Variants in B3GALT1 observed in about 807,000 individuals in gnomAD.
The protein encoded by B3GALT1 is UDP-Gal:betaGlcNAc beta 1,3-galactosyltransferase, polypeptide 1.
In B3GALT1, 10 loss-of-function variants were observed where a neutral mutation model predicts 23.2. The ratio of observed to expected loss-of-function variants is 0.43; its 90% CI spans 0.27 to 0.73. The LOEUF (loss-of-function observed/expected upper bound fraction) is 0.73. Ranked by LOEUF, B3GALT1 falls within the 30% of genes least tolerant of loss-of-function variation. B3GALT1 has a pLI of 0.21. For synonymous variants in B3GALT1, 156 were observed against 141.5 expected (o/e 1.10, Z -0.73); for missense variants, 299 against 405.4 (o/e 0.74, Z 2.25).
chr2:167,742,930 TA>T (rs1263940465), intron 3 of B3GALT1, among the ~76,000 whole-genome samples: 3 of 152,090 alleles, frequency 2.0e-5, no homozygotes, highest in Non-Finnish European at 4.4e-5. Flanking sequence ...TTGCTATTTA[TA>T]AAGAAAAAAA....
Position 167,715,256 on chromosome 2 carries a change from T to G in B3GALT1, c.-352+68290T>G. 4.3e-6 allele frequency: 7 copies of G among 1,613,980 alleles called. No individual in the cohort carries two copies. The South Asian group carries it at 7.7e-5, about 18-fold the overall frequency. Reference sequence around the variant, plus strand: ...AGCCTGATCTTTCATCATTGGCAAGTGTCCAGTCAGGGTCTTGATGTGATT... The same window carrying G: ...AGCCTGATCTTTCATCATTGGCAAGGGTCCAGTCAGGGTCTTGATGTGATT... On this transcript the variant is annotated intron_variant, in intron 3 of 4. Coordinates refer to ENST00000392690, the MANE Select transcript of B3GALT1 (RefSeq NM_020981.4).
chr2:167,693,624 C>T (rs1383230453), intron 3 of B3GALT1, among the ~76,000 whole-genome samples: 3 of 152,108 alleles, frequency 2.0e-5, no homozygotes, highest in Non-Finnish European at 2.9e-5. Flanking sequence ...AAACTCAATA[C>T]ACTAATGATA....
intron 3 of B3GALT1, among the ~76,000 whole-genome samples, chr2:167,768,541 T>C (rs1688015930): frequency 6.6e-6 from 1 of 152,228 alleles, no homozygotes; most frequent in Admixed American, 6.5e-5. Flanking sequence ...GATGATGTAA[T>C]TATAAATTCC....
intron 1 of B3GALT1, among the ~76,000 whole-genome samples, chr2:167,320,281 C>T (rs1013192409): frequency 1.2e-4 from 18 of 151,368 alleles, no homozygotes; most frequent in Non-Finnish European, 2.2e-4. Flanking sequence ...CCTGTGCCTA[C>T]TGGGTTCAAG....
rs572177885 is a variant in B3GALT1 at position 167,547,269 on chromosome 2, A to G, written c.-410+56992A>G. On this transcript the variant is annotated intron_variant, in intron 2 of 4. Coordinates refer to ENST00000392690, the MANE Select transcript of B3GALT1 (RefSeq NM_020981.4). ...TGGTCAGCCTGCCCGTTCAATGTAC[A>G]TCTGCACATTAAAATATTTGTGACA... 7.9e-5 allele frequency among the ~76,000 whole-genome samples: 12 copies of G among 152,328 alleles called. No homozygotes were observed. The East Asian group carries it at 1.9e-3, about 25-fold the overall frequency.
intron 4 of B3GALT1, among the ~76,000 whole-genome samples, chr2:167,865,174 C>A (rs1690187202): frequency 6.6e-6 from 1 of 151,996 alleles, no homozygotes; most frequent in African/African-American, 2.4e-5. Context: ...TTCAGGAGGC[C>A]GAGGCAGGAA....
intron 3 of B3GALT1, among the ~76,000 whole-genome samples, chr2:167,730,162 C>T (rs965851986): frequency 2.6e-5 from 4 of 152,182 alleles, no homozygotes; most frequent in Admixed American, 6.5e-5. Context: ...TTACTATATC[C>T]GCCGGGGCGC....
At chr2:167,729,160 ATGAG>A (rs893631446) in intron 3 of B3GALT1, among the ~76,000 whole-genome samples, 3 of 152,228 alleles carry the variant, frequency 2.0e-5, no homozygotes, top group Non-Finnish European at 4.4e-5. Context: ...GTCCTGGACC[ATGAG>A]TGAGTATCAG....
chr2:167,421,906 A>G (rs1323337913), intron 1 of B3GALT1, among the ~76,000 whole-genome samples: 1 of 152,228 alleles, frequency 6.6e-6, no homozygotes, highest in Non-Finnish European at 1.5e-5. Context: ...TAAGCACTAG[A>G]ATTTAACCTA....
At chr2:167,721,210 G>C (rs1451710031) in intron 3 of B3GALT1, among the ~76,000 whole-genome samples, 3 of 152,162 alleles carry the variant, frequency 2.0e-5, no homozygotes, top group African/African-American at 7.2e-5. Context: ...CACAGTTACA[G>C]ATAATTTATT....
chr2:167,695,235 A>G (rs938707190), intron 3 of B3GALT1, among the ~76,000 whole-genome samples: 3 of 152,158 alleles, frequency 2.0e-5, no homozygotes, highest in Admixed American at 1.3e-4. Context: ...TCTAATTTGT[A>G]TATCAGCACT....
chr2:167,636,433 C>G (rs900136859), intron 2 of B3GALT1, among the ~76,000 whole-genome samples: 53 of 152,128 alleles, frequency 3.5e-4, no homozygotes, highest in African/African-American at 1.2e-3. Context: ...GTGGTAATTC[C>G]TCAAGGATCT....
At chr2:167,650,611 A>C (rs1413926640) in intron 3 of B3GALT1, among the ~76,000 whole-genome samples, 1 of 151,998 alleles carries the variant, frequency 6.6e-6, no homozygotes, top group Admixed American at 6.6e-5. Context: ...ACTCTTCTTT[A>C]AGTGTTTGGT....
intron 2 of B3GALT1, among the ~76,000 whole-genome samples, chr2:167,512,532 G>GTATATATATATGTATATATA (rs2054905715): frequency 2.5e-5 from 3 of 118,168 alleles, no homozygotes; most frequent in African/African-American, 4.1e-5. Context: ...ATATGTGTGT[G>GTATATATATATGTATATATA]TGTATATATA....
chr2:167,304,669 CAGAG>C (rs962233825), intron 1 of B3GALT1, among the ~76,000 whole-genome samples: 16 of 151,722 alleles, frequency 1.1e-4, no homozygotes, highest in South Asian at 2.1e-4. Flanking sequence ...GAGACAGAGA[CAGAG>C]AGACAGAAAG....
At chr2:167,460,529 T>C (rs559806899) in intron 1 of B3GALT1, among the ~76,000 whole-genome samples, 15 of 152,286 alleles carry the variant, frequency 9.8e-5, no homozygotes. Flanking sequence ...TTCCAAATTT[T>C]CCTTTAAACC....
chr2:167,860,252 C>CTGAAA (rs1327380038), intron 4 of B3GALT1, among the ~76,000 whole-genome samples: 9 of 152,134 alleles, frequency 5.9e-5, no homozygotes, highest in Non-Finnish European at 1.0e-4. Context: ...CATTTGAGAT[C>CTGAAA]AAAACATTTT....
At chr2:167,417,707 G>T (rs975879145) in intron 1 of B3GALT1, among the ~76,000 whole-genome samples, 1 of 152,298 alleles carries the variant, frequency 6.6e-6, no homozygotes, top group African/African-American at 2.4e-5. Context: ...GTCTACGAGT[G>T]AATAGTTTTA....
At chr2:167,519,296 C>T (rs576733633) in intron 2 of B3GALT1, among the ~76,000 whole-genome samples, 12 of 152,116 alleles carry the variant, frequency 7.9e-5, no homozygotes, top group Middle Eastern at 3.4e-3. Flanking sequence ...AGAAATGGCC[C>T]GCTGCTAGAA....
Sources: allele counts gnomAD v4.1 joint callset (sites outside exome capture counted in the v4.1 genomes callset), GRCh38; gene constraint gnomAD v4.1.1; transcripts MANE v1.5; gene names NCBI Gene and HGNC (gene_info 2026-07-23, HGNC 2026-07-21).